The following TRHDE variants were observed in gnomAD, a reference collection of about 807,000 sequenced individuals.
TRHDE encodes the protein thyrotropin-releasing hormone-degrading ectoenzyme.
TRHDE carries 72 observed loss-of-function variants against 125.7 expected under a neutral mutation model. The observed-to-expected ratio is 0.57, with a 90% CI of 0.47 to 0.70. The LOEUF is 0.70. Ranked by LOEUF, TRHDE falls within the 30% of genes least tolerant of loss-of-function variation. The probability of loss-of-function intolerance (pLI) is 0.00; values close to 1 mark genes in which losing one functional copy is unlikely to be tolerated. For synonymous variants in TRHDE, 509 were observed against 509.1 expected (o/e 1.00, Z 0.00); for missense variants, 1,110 against 1,327.1 (o/e 0.84, Z 2.54).
intron 12 of TRHDE, among the ~76,000 whole-genome samples, chr12:72,592,701 T>C (rs1592559072): frequency 7.8e-6 from 1 of 128,942 alleles, no homozygotes; most frequent in East Asian, 2.7e-4. Flanking sequence ...TTTCTTTTCT[T>C]TTCTTTCTTT....
intron 2 of TRHDE, among the ~76,000 whole-genome samples, chr12:72,306,066 C>G (rs1868336491): frequency 6.6e-6 from 1 of 152,166 alleles, no homozygotes; most frequent in Non-Finnish European, 1.5e-5. Flanking sequence ...TTCTGTTATT[C>G]CCTTTTCCCC....
chr12:72,378,181 A>G, intron 3 of TRHDE, 60 bp downstream of exon 3: 1 of 1,468,742 alleles, frequency 6.8e-7, no homozygotes, highest in Non-Finnish European at 9.1e-7. Context: ...TTTCTTCTTC[A>G]TGTGTTTATT....
chr12:72,634,488 T>C (rs961990178), intron 15 of TRHDE, among the ~76,000 whole-genome samples: 1 of 151,650 alleles, frequency 6.6e-6, no homozygotes, highest in Non-Finnish European at 1.5e-5. Flanking sequence ...GAAAACATCT[T>C]TTTTTTTAAT....
At chr12:72,218,698 A>G (rs185634958) in intron 2 of TRHDE, among the ~76,000 whole-genome samples, 138 of 152,158 alleles carry the variant, frequency 9.1e-4, no homozygotes, top group African/African-American at 3.0e-3. Context: ...TTTACTGCAT[A>G]CACATAACTC....
At chr12:72,655,992 T>G (rs190048348) in intron 17 of TRHDE, among the ~76,000 whole-genome samples, 1 of 152,290 alleles carries the variant, frequency 6.6e-6, no homozygotes, top group African/African-American at 2.4e-5. Flanking sequence ...AATTAGATGC[T>G]TAAGAGCCTA....
At chr12:72,245,231 ATGTT>A (rs1160746889) in intron 2 of TRHDE, among the ~76,000 whole-genome samples, 1 of 146,110 alleles carries the variant, frequency 6.8e-6, no homozygotes, top group Non-Finnish European at 1.5e-5. Context: ...TTTTATATCT[ATGTT>A]TGTGTGTATG....
chr12:72,279,448 T>C (rs1180356590), intron 1 of TRHDE, among the ~76,000 whole-genome samples: 2 of 152,184 alleles, frequency 1.3e-5, no homozygotes, highest in East Asian at 1.9e-4. Context: ...TTTACTGCCT[T>C]CCAGATTTAC....
chr12:72,255,298 A>G (rs963365092), intron 2 of TRHDE: 1 of 152,216 alleles, frequency 6.6e-6, no homozygotes, highest in Non-Finnish European at 1.5e-5. Context: ...GAGTCTGAAC[A>G]CTTCTGTCCA....
chr12:72,552,210 G>A (rs1869711917), intron 7 of TRHDE, among the ~76,000 whole-genome samples: 3 of 152,088 alleles, frequency 2.0e-5, no homozygotes. Context: ...CCTGGGATTG[G>A]GGCAGTCAGC....
At chr12:72,177,617 A>G (rs1157971367) in intron 2 of TRHDE, among the ~76,000 whole-genome samples, 3 of 152,094 alleles carry the variant, frequency 2.0e-5, no homozygotes, top group Non-Finnish European at 4.4e-5. Flanking sequence ...TTTTTTTTCT[A>G]CAAAACTAGG....
chr12:72,524,268 AC>A (rs1351815131), intron 6 of TRHDE, among the ~76,000 whole-genome samples: 5 of 152,162 alleles, frequency 3.3e-5, no homozygotes, highest in African/African-American at 1.2e-4. Context: ...AGAAAACCTT[AC>A]TCAAGCAATT....
intron 1 of TRHDE, among the ~76,000 whole-genome samples, chr12:72,277,578 G>T (rs1879533011): frequency 6.6e-6 from 1 of 152,038 alleles, no homozygotes; most frequent in Non-Finnish European, 1.5e-5. Context: ...TTAGCTCATT[G>T]TTTTTGTGTC....
At chr12:72,219,335 C>G (rs1280207582) in intron 2 of TRHDE, among the ~76,000 whole-genome samples, 1 of 152,026 alleles carries the variant, frequency 6.6e-6, no homozygotes, top group East Asian at 1.9e-4. Context: ...TTCTTAAGTG[C>G]TTATTTTGTG....
chr12:72,156,434 T>C (rs1043907330), intron 2 of TRHDE, among the ~76,000 whole-genome samples: 7 of 152,192 alleles, frequency 4.6e-5, no homozygotes, highest in Non-Finnish European at 7.3e-5. Flanking sequence ...CCCAGTGAGA[T>C]GAACCTGGTA....
At chr12:72,350,729 G>A (rs11179165) in intron 2 of TRHDE, among the ~76,000 whole-genome samples, 8,465 of 152,048 alleles carry the variant, frequency 0.056, 469 homozygotes, top group African/African-American at 0.13. Context: ...TAAAGATTAA[G>A]ACTGGGTGTG....
intron 2 of TRHDE, chr12:72,254,189 G>A (rs1878753238): frequency 6.6e-6 from 1 of 151,744 alleles, no homozygotes; most frequent in Non-Finnish European, 1.5e-5. Context: ...AACTTTACAG[G>A]GACCTACAAC....
intron 2 of TRHDE, among the ~76,000 whole-genome samples, chr12:72,322,195 A>G (rs1869127288): frequency 6.6e-6 from 1 of 152,150 alleles, no homozygotes; most frequent in African/African-American, 2.4e-5. Flanking sequence ...TTCTCAGCTG[A>G]GGTCGAACAA....
chr12:72,204,210 T>C (rs1015547503), intron 2 of TRHDE, among the ~76,000 whole-genome samples: 2 of 152,192 alleles, frequency 1.3e-5, no homozygotes, highest in Non-Finnish European at 2.9e-5. Flanking sequence ...AGCCATATAA[T>C]TGGTAGATTC....
chr12:72,088,385 A>T (rs1001885544), intron 1 of TRHDE, among the ~76,000 whole-genome samples: 2 of 152,124 alleles, frequency 1.3e-5, no homozygotes, highest in African/African-American at 4.8e-5. Flanking sequence ...GTGATATCCA[A>T]ATATTTTAGC....
Sources: gnomAD v4.1 joint callset for allele counts (sites outside exome capture counted in the v4.1 genomes callset) on GRCh38, gnomAD v4.1.1 for gene constraint, MANE v1.5 for transcripts, NCBI Gene and HGNC (gene_info 2026-07-23, HGNC 2026-07-21) for gene names.